Variants in OR6K3 observed in about 807,000 individuals in gnomAD.
OR6K3 encodes the protein olfactory receptor family 6 subfamily K member 3, also known as olfactory receptor 6K3.
For synonymous variants in OR6K3, 169 were observed against 137.7 expected (o/e 1.23, Z -1.59); for missense variants, 396 against 382.5 (o/e 1.04, Z -0.29).
Position 158,717,426 on chromosome 1 carries a change from A to G in OR6K3, c.690T>C (p.Ser230=). The change falls in exon 2 of 2, where the codon TCT becomes TCC. Residue 230 remains serine (S), a synonymous_variant. Coordinates refer to ENST00000368145, the MANE Select transcript of OR6K3 (RefSeq NM_001005327.3). ...TAGAAAAAGCCTTTTGCCTCCCTTC[A>G]GAAGAGGGAATCCTCAATATCACAG... ...IVTVILRIPS[S]EGRQKAFSTC... is the part of the protein sequence containing the mutation. 1 of 1,613,772 alleles carries G rather than the reference A, an allele frequency of 6.2e-7. No homozygotes were observed. The highest frequency in any genetic ancestry group is 8.5e-7 in the Non-Finnish European group (1 of 1,179,796).
At chr1:158,719,693 C>A (rs1340157396) in intron 1 of OR6K3, among the ~76,000 whole-genome samples, 2 of 152,062 alleles carry the variant, frequency 1.3e-5, no homozygotes, top group Non-Finnish European at 2.9e-5. Flanking sequence ...AGCTCTGTGA[C>A]TTAACATGAA....
upstream of OR6K3, among the ~76,000 whole-genome samples, chr1:158,723,886 G>A (rs931752188): frequency 6.6e-6 from 1 of 151,738 alleles, no homozygotes; most frequent in African/African-American, 2.4e-5. Context: ...ATGTTTAATG[G>A]CTTAAACATC....
At position 158,716,839 on chromosome 1, in the gene OR6K3, C is replaced by T. The variant is rs1366765100; in HGVS notation, c.*329G>A. 8.6e-6 allele frequency: 2 copies of T among 233,494 alleles called. No individual in the cohort carries two copies. The highest frequency in any genetic ancestry group is 5.2e-5 in the Admixed American group (1 of 19,366). The allele number at this position is 233,494 out of a possible 1,614,324, so 14.5% of individuals were successfully genotyped here. ...CAAACATTAAAGCAATGGAAAGGGC[C>T]AGATGCGGTGGCTCACAGCTGTAAT... is the stretch of plus-strand genomic sequence containing the variant. On this transcript the variant is annotated 3_prime_UTR_variant, in exon 2 of 2. Coordinates refer to ENST00000368145, the MANE Select transcript of OR6K3 (RefSeq NM_001005327.3).
In OR6K3 at chr1:158,716,925, C is replaced by T. The variant is rs1013459865; in HGVS notation, c.*243G>A. 3 of 380,044 alleles carry T rather than the reference C, an allele frequency of 7.9e-6. No homozygotes were observed. Among genetic ancestry groups the T allele is most frequent in the South Asian group, 2.9e-5 (1 of 34,464 alleles). The allele number at this position is 380,044 out of a possible 1,614,324, so 23.5% of individuals were successfully genotyped here. A position where few individuals can be genotyped will look rare whatever the true frequency, so the allele number is the denominator to read the frequency against. ...CTAAGGTCAGGAGTTCAAGACCAGC[C>T]TGACCAACACAGTGAAACCCCATCT... On this transcript the variant is annotated 3_prime_UTR_variant, in exon 2 of 2. Coordinates refer to ENST00000368145, the MANE Select transcript of OR6K3 (RefSeq NM_001005327.3).
intron 1 of OR6K3, among the ~76,000 whole-genome samples, chr1:158,718,357 G>GA (rs796233250): frequency 1.2e-4 from 18 of 144,336 alleles, no homozygotes; most frequent in Admixed American, 4.8e-4. Flanking sequence ...TTTAAAGTCA[G>GA]AAAAAAAAAT....
chr1:158,724,334 G>T, upstream of OR6K3: 1 of 169,782 alleles, frequency 5.9e-6, no homozygotes. Context: ...ACACTAAGAT[G>T]GGCGGCACAG....
rs371617141 is a variant in OR6K3 at position 158,717,341 on chromosome 1, A to G, written c.775T>C (p.Leu259=). Residue 259 remains leucine (L), a synonymous_variant, in exon 2 of 2, where the codon TTG becomes CTG. Transcript: ENST00000368145. ...IFFGSVSLMY[L]RFSDTYPPVL... ...GGTGGATAAGTGTCGCTGAAACGCA[A>G]GTACATGAGTGATACACTGCCAAAG... The G allele has an allele frequency of 5.9e-5, 95 of 1,613,668 alleles. No individual in the cohort carries two copies. The highest frequency in any genetic ancestry group is 7.7e-5 in the Non-Finnish European group (91 of 1,179,806).
chr1:158,721,226 C>T (rs554467892), upstream of OR6K3, among the ~76,000 whole-genome samples: 41 of 152,064 alleles, frequency 2.7e-4, no homozygotes, highest in African/African-American at 9.6e-4. Context: ...AGTGAGGAAA[C>T]CATGTCTTTT....
upstream of OR6K3, among the ~76,000 whole-genome samples, chr1:158,721,451 T>C (rs757423776): frequency 6.6e-6 from 1 of 152,010 alleles, no homozygotes; most frequent in Non-Finnish European, 1.5e-5. Context: ...TCTGGAAATA[T>C]GTATCAAGTT....
chr1:158,716,997 A>C lies in OR6K3; in HGVS notation c.*171T>G. 2 of 573,508 alleles carry C rather than the reference A, an allele frequency of 3.5e-6. No individual in the cohort carries two copies. Among genetic ancestry groups the C allele is most frequent in the South Asian group, 4.0e-5 (2 of 49,618 alleles). 35.5% of individuals were successfully genotyped at this position (573,508 alleles called of 1,614,324 possible). On this transcript the variant is annotated 3_prime_UTR_variant, in exon 2 of 2. Coordinates refer to ENST00000368145, the MANE Select transcript of OR6K3 (RefSeq NM_001005327.3). ...GCTGGGTGTGGTGGTGCATGCCTGT[A>C]ATCGCGGCTACTAGGGAGGCTGAGG... is the stretch of plus-strand genomic sequence containing the variant.
upstream of OR6K3, among the ~76,000 whole-genome samples, chr1:158,722,352 TG>T (rs1324709416): frequency 6.6e-6 from 1 of 152,034 alleles, no homozygotes; most frequent in Non-Finnish European, 1.5e-5. Context: ...TGTGCTTTTT[TG>T]TTTTGTTTTA....
At position 158,717,770 on chromosome 1, in the gene OR6K3, T is replaced by C; in HGVS notation, c.346A>G (p.Thr116Ala). Residue 116 changes from threonine (T) to alanine (A), a missense_variant, in exon 2 of 2, where the codon ACC (threonine) becomes GCC (alanine). Coordinates refer to ENST00000368145, the MANE Select transcript of OR6K3 (RefSeq NM_001005327.3). Reference sequence around the variant, plus strand: ...ACGTATCTGTCAATGGCCATGGTGGTCAGCAAGATCCCCTCTGAGTTTTCA... The same window carrying C: ...ACGTATCTGTCAATGGCCATGGTGGCCAGCAAGATCCCCTCTGAGTTTTCA... ...SLENSEGILL[T>A]TMAIDRYVAI... 1 of 1,613,794 alleles carries C rather than the reference T, an allele frequency of 6.2e-7. No homozygotes were observed. The highest frequency in any genetic ancestry group is 8.5e-7 in the Non-Finnish European group (1 of 1,179,832).
Position 158,717,879 on chromosome 1 carries a change from G to T in OR6K3, c.237C>A (p.Pro79=), listed in dbSNP as rs778488716. 1.2e-6 allele frequency: 2 copies of T among 1,613,538 alleles called. No homozygotes were observed. Among genetic ancestry groups the T allele is most frequent in the African/African-American group, 2.7e-5 (2 of 74,872 alleles). Residue 79 remains proline (P), a synonymous_variant, in exon 2 of 2, where the codon CCC becomes CCA. Transcript: ENST00000368145. ...LEIWYTTATI[P]KMLSNLISEK... is the part of the protein sequence containing the mutation. The stretch of plus-strand genomic sequence containing the variant: ...CACTGATGAGGTTGGAGAGCATCTT[G>T]GGAATGGTGGCTGTGGTGTACCAGA...
chr1:158,720,699 G>A lies in OR6K3; in HGVS notation c.-34C>T, dbSNP rs1217142641. The A allele has an allele frequency of 6.6e-6, 1 of 151,984 alleles. No homozygotes were observed. Among genetic ancestry groups the A allele is most frequent in the Admixed American group, 6.6e-5 (1 of 15,224 alleles). 9.4% of individuals were successfully genotyped at this position (151,984 alleles called of 1,614,324 possible). ...TACACTCACCTTTGCCAAAAACACA[G>A]GGACTCCTCAGTCTGCCTGGGTCAC... On this transcript the variant is annotated 5_prime_UTR_variant, in exon 1 of 2. Coordinates refer to ENST00000368145, the MANE Select transcript of OR6K3 (RefSeq NM_001005327.3).
At chr1:158,721,011 G>A (rs1348461655), upstream of OR6K3, among the ~76,000 whole-genome samples, 1 of 151,904 alleles carries the variant, frequency 6.6e-6, no homozygotes, top group Non-Finnish European at 1.5e-5. Context: ...TTTCATGATT[G>A]TCTCAGCTGT....
intron 1 of OR6K3, among the ~76,000 whole-genome samples, chr1:158,718,590 C>T (rs1656223234): frequency 6.6e-6 from 1 of 151,636 alleles, no homozygotes; most frequent in Non-Finnish European, 1.5e-5. Context: ...ATATCTGTAT[C>T]TCATATAATA....
intron 1 of OR6K3, among the ~76,000 whole-genome samples, chr1:158,718,372 C>A (rs887242209): frequency 6.7e-6 from 1 of 148,222 alleles, no homozygotes. Context: ...AAAAATGAAA[C>A]CTTCAAGGTA....
At chr1:158,721,253 C>T (rs750148659), upstream of OR6K3, among the ~76,000 whole-genome samples, 8 of 151,938 alleles carry the variant, frequency 5.3e-5, no homozygotes, top group Admixed American at 2.0e-4. Flanking sequence ...TTTCTCATGT[C>T]GTGAGTGTGT....
upstream of OR6K3, among the ~76,000 whole-genome samples, chr1:158,723,800 T>C (rs1048175903): frequency 6.6e-6 from 1 of 152,124 alleles, no homozygotes; most frequent in Non-Finnish European, 1.5e-5. Context: ...TTATTAATGC[T>C]TATGTAATGT....
Sources: allele counts gnomAD v4.1 joint callset (sites outside exome capture counted in the v4.1 genomes callset), GRCh38; gene constraint gnomAD v4.1.1; transcripts MANE v1.5; gene names NCBI Gene and HGNC (gene_info 2026-07-23, HGNC 2026-07-21).